The following EDA variants were observed in gnomAD, a reference collection of about 807,000 sequenced individuals.
EDA encodes the protein ectodysplasin A.
In EDA, 2 loss-of-function variants were observed where a neutral mutation model predicts 23.6. The ratio of observed to expected loss-of-function variants is 0.08; its 90% CI spans 0.03 to 0.27. The LOEUF is 0.27. Among genes scored for constraint, EDA ranks in the 10% least tolerant of loss-of-function variants. The pLI is 1.00. For synonymous variants in EDA, 131 were observed against 132.0 expected, an observed-to-expected ratio of 0.99 and a Z score of 0.05; for missense variants, 229 against 324.2, an observed-to-expected ratio of 0.71 and a Z score of 2.26.
intron 1 of EDA, among the ~76,000 whole-genome samples, chrX:69,708,108 A>G (rs1169496255): frequency 9.0e-6 from 1 of 111,593 alleles, no homozygotes; most frequent in African/African-American, 3.3e-5. Flanking sequence ...TCCGATGCCA[A>G]TCTGTTAAAA....
chrX:69,976,762 G>A (rs1343590100), intron 2 of EDA, among the ~76,000 whole-genome samples: 1 of 109,343 alleles, frequency 9.1e-6, no homozygotes, highest in Non-Finnish European at 1.9e-5. Flanking sequence ...AGCTGTGACA[G>A]GGGGAGGGGG....
chrX:69,648,826 T>C (rs1361900693), intron 1 of EDA, among the ~76,000 whole-genome samples: 2 of 111,728 alleles, frequency 1.8e-5, no homozygotes, highest in Non-Finnish European at 3.8e-5. Flanking sequence ...TGTGTGTGCC[T>C]GAGTGGCTGC....
At chrX:69,654,499 T>C (rs1933226988) in intron 1 of EDA, among the ~76,000 whole-genome samples, 1 of 111,561 alleles carries the variant, frequency 9.0e-6, no homozygotes, top group Non-Finnish European at 1.9e-5. Flanking sequence ...CATGCACACA[T>C]ATGTTTATAG....
At chrX:69,722,760 C>A (rs2012637686) in intron 1 of EDA, among the ~76,000 whole-genome samples, 1 of 111,409 alleles carries the variant, frequency 9.0e-6, no homozygotes, top group Non-Finnish European at 1.9e-5. Flanking sequence ...AATCTCACCT[C>A]TGCCTCTTTC....
intron 2 of EDA, among the ~76,000 whole-genome samples, chrX:69,997,582 C>A (rs199768681): frequency 5.8e-5 from 6 of 102,646 alleles, no homozygotes; most frequent in African/African-American, 1.1e-4. Flanking sequence ...CATAAGTAAT[C>A]AGAAGCCAAA....
In EDA at chrX:70,035,618, C is replaced by A. The variant is rs1429575806; in HGVS notation, c.*9C>A. 1.7e-6 allele frequency: 2 copies of A among 1,202,852 alleles called. No homozygotes were observed. Among genetic ancestry groups the A allele is most frequent in the Admixed American group, 2.2e-5 (1 of 44,589 alleles). ...AAGCCCCTGCATCCTAGATTCCCCC[C>A]ATTTTGCCTCTGTCCGTGCCCCTTC... is the stretch of plus-strand genomic sequence containing the variant. On this transcript the variant is annotated 3_prime_UTR_variant, in exon 8 of 8. Transcript: ENST00000374552.
Position 69,878,715 on chromosome X carries a change from GACAC to G in EDA, c.397-78281_397-78278del, listed in dbSNP as rs61027280. On this transcript the variant is annotated intron_variant, in intron 1 of 7. Transcript: ENST00000374552. ...AAATACAGCCCCTCACCTTCACCAA[GACAC>G]ACACACACACACACACACACACACA... 9.2e-3 allele frequency among the ~76,000 whole-genome samples: 909 copies of G among 99,044 alleles called. 6 individuals carry two copies. The highest frequency in any genetic ancestry group is 0.019 in the African/African-American group (523 of 27,143). The allele number at this position is 99,044 out of a possible 115,157, so 86.0% of individuals were successfully genotyped here.
intron 1 of EDA, among the ~76,000 whole-genome samples, chrX:69,833,474 A>C (rs977977806): frequency 9.5e-6 from 1 of 104,811 alleles, no homozygotes; most frequent in African/African-American, 3.5e-5. Flanking sequence ...ATCAATGTTC[A>C]TCAGGGATAT....
At chrX:69,861,711 T>G (rs1288334904) in intron 1 of EDA, among the ~76,000 whole-genome samples, 1 of 111,808 alleles carries the variant, frequency 8.9e-6, no homozygotes, top group East Asian at 2.8e-4. Flanking sequence ...AACAAAAAAC[T>G]GAGATACTAC....
At chrX:69,791,694 A>G (rs1415878875) in intron 1 of EDA, among the ~76,000 whole-genome samples, 1 of 110,550 alleles carries the variant, frequency 9.0e-6, no homozygotes, top group Non-Finnish European at 1.9e-5. Context: ...TCCAGGCTGG[A>G]GTGCAGTGGT....
At chrX:69,881,241 G>T (rs1226704973) in intron 1 of EDA, among the ~76,000 whole-genome samples, 3 of 109,384 alleles carry the variant, frequency 2.7e-5, no homozygotes, top group African/African-American at 1.0e-4. Flanking sequence ...CTGAGAGGTT[G>T]GGCAGGGGGC....
chrX:69,847,220 A>C (rs1478663534), intron 1 of EDA, among the ~76,000 whole-genome samples: 1 of 111,674 alleles, frequency 9.0e-6, no homozygotes, highest in African/African-American at 3.3e-5. Context: ...TCTGCTCCTC[A>C]GTGGCCTATA....
chrX:70,017,397 CA>C (rs747348862), intron 2 of EDA, among the ~76,000 whole-genome samples: 9 of 110,277 alleles, frequency 8.2e-5, no homozygotes, highest in Middle Eastern at 4.6e-3. Flanking sequence ...TTGGCAGAGA[CA>C]AAAAAAACTT....
chrX:69,712,465 C>T (rs1177617660), intron 1 of EDA, among the ~76,000 whole-genome samples: 1 of 111,535 alleles, frequency 9.0e-6, no homozygotes, highest in East Asian at 2.8e-4. Context: ...AGAAAATGCT[C>T]ATCATCACTG....
At chrX:69,716,540 C>G (rs1284826633) in intron 1 of EDA, among the ~76,000 whole-genome samples, 1 of 108,999 alleles carries the variant, frequency 9.2e-6, no homozygotes, top group African/African-American at 3.4e-5. Context: ...CTTAGGATTG[C>G]CTTGGCTACT....
intron 1 of EDA, among the ~76,000 whole-genome samples, chrX:69,911,236 G>A (rs1201067404): frequency 8.9e-6 from 1 of 111,919 alleles, no homozygotes; most frequent in Non-Finnish European, 1.9e-5. Flanking sequence ...CACATGTACA[G>A]TTCAAGTGTT....
At chrX:69,961,871 G>A (rs2019107512) in intron 2 of EDA, among the ~76,000 whole-genome samples, 1 of 112,046 alleles carries the variant, frequency 8.9e-6, no homozygotes, top group South Asian at 3.7e-4. Context: ...CTAGAAATCT[G>A]TGCCAGGATT....
intron 1 of EDA, among the ~76,000 whole-genome samples, chrX:69,846,766 G>C (rs750495535): frequency 4.5e-5 from 5 of 111,588 alleles, no homozygotes; most frequent in Non-Finnish European, 9.4e-5. Flanking sequence ...GGAATATTTG[G>C]AGGAACCTGG....
intron 1 of EDA, among the ~76,000 whole-genome samples, chrX:69,909,271 G>T (rs760203177): frequency 9.0e-6 from 1 of 111,208 alleles, no homozygotes; most frequent in Non-Finnish European, 1.9e-5. Context: ...CAATTATTTG[G>T]GTTTTTTTGT....
Sources: allele counts gnomAD v4.1 joint callset (sites outside exome capture counted in the v4.1 genomes callset), GRCh38; gene constraint gnomAD v4.1.1; transcripts MANE v1.5; gene names NCBI Gene and HGNC (gene_info 2026-07-23, HGNC 2026-07-21).